Variants in MTMR9 observed in about 807,000 individuals in gnomAD.
The protein encoded by MTMR9 is myotubularin related protein 9.
MTMR9 carries 39 observed loss-of-function variants against 69.5 expected under a neutral mutation model. The observed-to-expected ratio is 0.56, with a 90% CI of 0.43 to 0.73. MTMR9 has a LOEUF of 0.73. Among genes scored for constraint, MTMR9 ranks in the 30% least tolerant of loss-of-function variants. MTMR9 has a pLI of 0.00. For synonymous variants in MTMR9, 354 were observed against 240.8 expected, an observed-to-expected ratio of 1.47 and a Z score of -4.35; for missense variants, 900 against 671.2, an observed-to-expected ratio of 1.34 and a Z score of -3.77.
chr8:11,288,944 G>C (rs950257405), intron 1 of MTMR9, among the ~76,000 whole-genome samples: 1 of 152,086 alleles, frequency 6.6e-6, no homozygotes, highest in Non-Finnish European at 1.5e-5. Flanking sequence ...AGGCCGAGGC[G>C]GGCAGATCAC....
intron 5 of MTMR9, among the ~76,000 whole-genome samples, chr8:11,309,206 G>T (rs774805640): frequency 6.6e-6 from 1 of 152,096 alleles, no homozygotes; most frequent in African/African-American, 2.4e-5. Context: ...GATTGCAAAT[G>T]TAAGTGGTGC....
Position 11,314,981 on chromosome 8 carries a change from ACCT to A in MTMR9, c.1034_1036del (p.Ser345del). ...AGGAACTGATTCCACACTCCAGGTGACCTCCTTGGCCCAGATCATCTTAGAGCC... is the reference window on the plus strand; with the variant it reads ...AGGAACTGATTCCACACTCCAGGTGACCTTGGCCCAGATCATCTTAGAGCC... On this transcript the variant is annotated inframe_deletion, in exon 7 of 10. Coordinates refer to ENST00000221086, the MANE Select transcript of MTMR9 (RefSeq NM_015458.4). 6.2e-7 allele frequency: 1 copy of A among 1,613,986 alleles called. No homozygotes were observed. The highest frequency in any genetic ancestry group is 8.5e-7 in the Non-Finnish European group (1 of 1,179,920).
chr8:11,329,014 C>A (rs1446773667), downstream of MTMR9, among the ~76,000 whole-genome samples: 1 of 152,098 alleles, frequency 6.6e-6, no homozygotes, highest in Non-Finnish European at 1.5e-5. Context: ...TCAGTTTTTC[C>A]CAACACTTTG....
chr8:11,322,915 T>C lies in MTMR9; in HGVS notation c.*127T>C. ...GGCTTTAGATGTGGGACCCCCCTAA[T>C]GTAATGGATTTCTCAATACTGTATG... On this transcript the variant is annotated 3_prime_UTR_variant, in exon 10 of 10. Coordinates refer to ENST00000221086, the MANE Select transcript of MTMR9 (RefSeq NM_015458.4). 1.4e-6 allele frequency: 1 copy of C among 735,630 alleles called. No homozygotes were observed. Among genetic ancestry groups the C allele is most frequent in the South Asian group, 2.1e-5 (1 of 47,550 alleles). The allele number at this position is 735,630 out of a possible 1,614,324, so 45.6% of individuals were successfully genotyped here.
At chr8:11,331,711 C>T (rs532149058), downstream of MTMR9, 121 of 1,611,944 alleles carry the variant, frequency 7.5e-5, no homozygotes, top group South Asian at 8.8e-5. Context: ...GGAGGCCTGG[C>T]GCTGTCCCTG....
intron 6 of MTMR9, among the ~76,000 whole-genome samples, chr8:11,312,179 G>T (rs987245661): frequency 6.6e-6 from 1 of 151,918 alleles, no homozygotes; most frequent in African/African-American, 2.4e-5. Flanking sequence ...CAAATAGCCA[G>T]TACTACAGGT....
At chr8:11,286,939 C>G (rs1799184516) in intron 1 of MTMR9, among the ~76,000 whole-genome samples, 1 of 152,126 alleles carries the variant, frequency 6.6e-6, no homozygotes, top group South Asian at 2.1e-4. Context: ...TTGCCTCTCC[C>G]AAGTTTGTTT....
At chr8:11,308,719 C>A (rs1366096352) in intron 5 of MTMR9, among the ~76,000 whole-genome samples, 1 of 152,148 alleles carries the variant, frequency 6.6e-6, no homozygotes, top group Middle Eastern at 3.2e-3. Flanking sequence ...TGATTGTATG[C>A]ATTTGCATTG....
intron 9 of MTMR9, chr8:11,320,557 C>T (rs1275210016): frequency 6.6e-6 from 1 of 150,928 alleles, no homozygotes; most frequent in Non-Finnish European, 1.5e-5. Flanking sequence ...GGTGAAACCC[C>T]ATCTCTACTG....
At chr8:11,319,514 T>A in intron 8 of MTMR9, 173 bp from the exon 9 acceptor site, 1 of 640,070 alleles carries the variant, frequency 1.6e-6, no homozygotes, top group Non-Finnish European at 2.7e-6. Context: ...AGAGTTCTAA[T>A]GCCGATTGAG....
chr8:11,331,699 T>C, downstream of MTMR9: 1 of 1,612,006 alleles, frequency 6.2e-7, no homozygotes, highest in Non-Finnish European at 8.5e-7. Flanking sequence ...CAGGCTTTCC[T>C]GGGAGGCCTG....
At chr8:11,313,589 G>T (rs1800291723) in intron 6 of MTMR9, among the ~76,000 whole-genome samples, 1 of 152,148 alleles carries the variant, frequency 6.6e-6, no homozygotes, top group African/African-American at 2.4e-5. Flanking sequence ...ACACTTACAG[G>T]CCATTGTAGG....
Position 11,325,734 on chromosome 8 carries a change from G to T in MTMR9, c.*2946G>T, listed in dbSNP as rs1255508491. 6.6e-6 allele frequency: 1 copy of T among 151,456 alleles called. No individual in the cohort carries two copies. Among genetic ancestry groups the T allele is most frequent in the African/African-American group, 2.4e-5 (1 of 41,238 alleles). 9.4% of individuals were successfully genotyped at this position (151,456 alleles called of 1,614,324 possible). On this transcript the variant is annotated 3_prime_UTR_variant, in exon 10 of 10. Coordinates refer to ENST00000221086, the MANE Select transcript of MTMR9 (RefSeq NM_015458.4). ...AAACCTGAAGCTTTTTTGGTGGCAGGACCTTTCAATAAATATTTATTTGGT... is the reference window on the plus strand; with the variant it reads ...AAACCTGAAGCTTTTTTGGTGGCAGTACCTTTCAATAAATATTTATTTGGT...
intron 6 of MTMR9, among the ~76,000 whole-genome samples, chr8:11,311,261 A>G (rs903046517): frequency 6.6e-6 from 1 of 152,220 alleles, no homozygotes; most frequent in African/African-American, 2.4e-5. Flanking sequence ...AAGAACCCCC[A>G]AAGAATTCAA....
At chr8:11,314,229 A>G (rs879922600) in intron 6 of MTMR9, among the ~76,000 whole-genome samples, 3 of 152,214 alleles carry the variant, frequency 2.0e-5, no homozygotes, top group Non-Finnish European at 4.4e-5. Flanking sequence ...TTTCAACAGA[A>G]AGGGTAGAAG....
intron 6 of MTMR9, among the ~76,000 whole-genome samples, chr8:11,313,527 C>G (rs562878260): frequency 7.9e-5 from 12 of 152,342 alleles, no homozygotes; most frequent in East Asian, 3.8e-4. Flanking sequence ...TAAGCTTAAT[C>G]ATTTCTAGCT....
intron 6 of MTMR9, among the ~76,000 whole-genome samples, chr8:11,313,461 C>G (rs1299402136): frequency 6.6e-6 from 1 of 152,224 alleles, no homozygotes; most frequent in Non-Finnish European, 1.5e-5. Flanking sequence ...ACTTGATTAA[C>G]TAGTGCAGGA....
At chr8:11,319,159 T>TG (rs1446421701) in intron 8 of MTMR9, 7 of 151,704 alleles carry the variant, frequency 4.6e-5, no homozygotes, top group African/African-American at 1.4e-4. Context: ...ATGAAGACCC[T>TG]GGGGGTCTTT....
intron 3 of MTMR9, chr8:11,300,750 C>T (rs1471280187): frequency 1.3e-5 from 2 of 151,952 alleles, no homozygotes; most frequent in East Asian, 1.9e-4. Flanking sequence ...AAAATATTTA[C>T]GAATAAATTT....
Sources: gnomAD v4.1 joint callset for allele counts (sites outside exome capture counted in the v4.1 genomes callset) on GRCh38, gnomAD v4.1.1 for gene constraint, MANE v1.5 for transcripts, NCBI Gene and HGNC (gene_info 2026-07-23, HGNC 2026-07-21) for gene names.